RGS11: variants seen among roughly 807,000 people sequenced by gnomAD.
RGS11 encodes the protein regulator of G protein signaling 11.
Under a neutral mutation model 71.1 loss-of-function variants are expected in RGS11, and 86 were observed. The observed-to-expected ratio is 1.21, with a 90% confidence interval of 1.02 to 1.45. RGS11 has a LOEUF of 1.45. Among genes scored for constraint, RGS11 ranks in the 40% most tolerant of loss-of-function variants. RGS11 has a pLI of 0.00. For synonymous variants in RGS11, 298 were observed against 254.2 expected (o/e 1.17, Z -1.64); for missense variants, 734 against 635.1 (o/e 1.16, Z -1.67).
At chr16:269,917 C>G (rs1193334198) in intron 15 of RGS11, 1 of 253,602 alleles carries the variant, frequency 3.9e-6, no homozygotes, top group Non-Finnish European at 7.4e-6. Flanking sequence ...GTTGTGGAGT[C>G]AAATAAAAAA....
intron 4 of RGS11, chr16:274,540 G>C: frequency 1.7e-6 from 1 of 594,918 alleles, no homozygotes; most frequent in Non-Finnish European, 3.0e-6. Flanking sequence ...CTGGGGGCCT[G>C]CACAAGTCTT....
At chr16:272,349 GAACTT>G (rs2051976832) in intron 9 of RGS11, 2 of 1,289,972 alleles carry the variant, frequency 1.6e-6, no homozygotes, top group Non-Finnish European at 2.0e-6. Context: ...TTAGGGTCGT[GAACTT>G]AAGAAGTTTT....
At position 268,740 on chromosome 16, in the gene RGS11, A is replaced by G. The variant is rs1452449327; in HGVS notation, c.*529T>C. On this transcript the variant is annotated 3_prime_UTR_variant, in exon 17 of 17. Transcript: ENST00000397770. ...CTCCGGAAGGCAGTGACCTCGAGGCAGCCTCAGCACGGCACTCTCTTGGGT... is the reference window on the plus strand; with the variant it reads ...CTCCGGAAGGCAGTGACCTCGAGGCGGCCTCAGCACGGCACTCTCTTGGGT... 1 of 1,539,950 alleles carries G rather than the reference A, an allele frequency of 6.5e-7. No homozygotes were observed. The highest frequency in any genetic ancestry group is 1.2e-5 in the South Asian group (1 of 83,962).
At position 271,091 on chromosome 16, in the gene RGS11, G is replaced by A. The variant is rs1231666702; in HGVS notation, c.872C>T (p.Ala291Val). 3.7e-6 allele frequency: 6 copies of A among 1,611,706 alleles called. No individual in the cohort carries two copies. Among genetic ancestry groups the A allele is most frequent in the South Asian group, 1.1e-5 (1 of 90,986 alleles). ...TCTCTCCACACGGAGCTTCGTGGGG[G>A]CAGCCACCCTGGGGAGAGGGCAGGG... ...YWVMNAPTVA[A>V]PTKLRVERWG... Residue 291 changes from alanine (A) to valine (V), a missense_variant, in exon 13 of 17, where the codon GCC (alanine) becomes GTC (valine). Ala to Val is a moderately conservative substitution (Grantham distance 64, BLOSUM62 0). Transcript: ENST00000397770.
chr16:271,818 A>G, intron 9 of RGS11: 1 of 572,730 alleles, frequency 1.7e-6, no homozygotes, highest in Non-Finnish European at 3.1e-6. Context: ...CAAAGTTGCA[A>G]CTGTAATATG....
chr16:271,827 T>G, intron 9 of RGS11: 1 of 557,588 alleles, frequency 1.8e-6, no homozygotes, highest in Non-Finnish European at 3.2e-6. Flanking sequence ...AACTGTAATA[T>G]GTCATTTTTT....
chr16:272,770 A>G lies in RGS11; in HGVS notation c.657+93T>C, dbSNP rs559112994. The G allele has an allele frequency of 2.0e-4, 312 of 1,529,138 alleles. 3 individuals carry two copies. In the African/African-American group the frequency reaches 3.8e-3, roughly 19 times the overall value. 94.7% of individuals were successfully genotyped at this position (1,529,138 alleles called of 1,614,324 possible). ...ACCAAGTGCCCTCTGGGTGGACCAAATGACGGACAGATGGGCAGTCCCATG... is the reference window on the plus strand; with the variant it reads ...ACCAAGTGCCCTCTGGGTGGACCAAGTGACGGACAGATGGGCAGTCCCATG... On this transcript the variant is annotated intron_variant, in intron 9 of 16. Transcript: ENST00000397770.
Position 275,497 on chromosome 16 carries a change from A to G in RGS11, c.65T>C (p.Met22Thr). The G allele has an allele frequency of 6.4e-7, 1 of 1,565,984 alleles. No homozygotes were observed. The highest frequency in any genetic ancestry group is 1.1e-5 in the South Asian group (1 of 87,890). The change falls in exon 2 of 17, where the codon ATG (methionine) becomes ACG (threonine). Residue 22 changes from methionine (M) to threonine (T), a missense_variant and splice_region_variant. Transcript: ENST00000397770. Reference sequence around the variant, plus strand: ...CTGCATGCTCACGACCACCCGCTCCATCTGGGCGGAGGGAGTCGTCAGGGG... The same window carrying G: ...CTGCATGCTCACGACCACCCGCTCCGTCTGGGCGGAGGGAGTCGTCAGGGG... ...PRAQMPHLRK[M>T]ERVVVSMQDP...
At chr16:274,166 G>T in intron 5 of RGS11, 48 bp downstream of exon 5, 1 of 1,590,710 alleles carries the variant, frequency 6.3e-7, no homozygotes, top group East Asian at 2.3e-5. Flanking sequence ...TCACCCTGAG[G>T]CCCCCAGTCC....
Position 268,412 on chromosome 16 carries a change from G to T in RGS11, c.*857C>A, listed in dbSNP as rs1469835724. ...TGGGTGGGGATGGCACCGCCCTACC[G>T]CCGAGAGAGTTGAAGCTGCACCCCC... On this transcript the variant is annotated 3_prime_UTR_variant, in exon 17 of 17. Transcript: ENST00000397770. 8 of 338,484 alleles carry T rather than the reference G, an allele frequency of 2.4e-5. No individual in the cohort carries two copies. The highest frequency in any genetic ancestry group is 1.5e-4 in the African/African-American group (7 of 47,638). The allele number at this position is 338,484 out of a possible 1,614,324, so 21.0% of individuals were successfully genotyped here.
At chr16:274,328 C>T in intron 4 of RGS11, 63 bp from the exon 5 acceptor site, 7 of 1,532,272 alleles carry the variant, frequency 4.6e-6, no homozygotes, top group Non-Finnish European at 6.2e-6. Flanking sequence ...AGTGTCACCC[C>T]ACCCTCAGAC....
chr16:274,263 G>T lies in RGS11; in HGVS notation c.321C>A (p.Thr107=). ...RPDETPYRFQ[T]PYFWTSTLRP... ...TCAGGGTACTTGTCCAGAAGTACGGGGTCTGGCGTGGTGCAGGGAGAAGGT... is the reference window on the plus strand; with the variant it reads ...TCAGGGTACTTGTCCAGAAGTACGGTGTCTGGCGTGGTGCAGGGAGAAGGT... Residue 107 remains threonine (T), a splice_region_variant and synonymous_variant, in exon 5 of 17, where the codon ACC becomes ACA. Transcript: ENST00000397770. The T allele has an allele frequency of 6.2e-7, 1 of 1,609,588 alleles. No individual in the cohort carries two copies. Among genetic ancestry groups the T allele is most frequent in the Non-Finnish European group, 8.5e-7 (1 of 1,178,300 alleles).
intron 4 of RGS11, chr16:274,603 C>T: frequency 3.3e-6 from 2 of 601,610 alleles, no homozygotes; most frequent in South Asian, 3.5e-5. Context: ...GGCAGGTCGG[C>T]CCGGGACCCT....
In RGS11 at chr16:268,469, G is replaced by C. The variant is rs1042674614; in HGVS notation, c.*800C>G. On this transcript the variant is annotated 3_prime_UTR_variant, in exon 17 of 17. Transcript: ENST00000397770. Reference sequence around the variant, plus strand: ...AGCCAGCTGTACCTTCACCCAGTCTGGGGGACTGGTGAGGCACTTGGGGGA... The same window carrying C: ...AGCCAGCTGTACCTTCACCCAGTCTCGGGGACTGGTGAGGCACTTGGGGGA... 4.2e-6 allele frequency: 2 copies of C among 480,672 alleles called. No homozygotes were observed. The highest frequency in any genetic ancestry group is 7.6e-6 in the Non-Finnish European group (2 of 261,648). 29.8% of individuals were successfully genotyped at this position (480,672 alleles called of 1,614,324 possible). A position where few individuals can be genotyped will look rare whatever the true frequency, so the allele number is the denominator to read the frequency against.
In RGS11 at chr16:274,075, G is replaced by T. The variant is rs149201684; in HGVS notation, c.397C>A (p.Arg133=). 4 of 1,551,396 alleles carry T rather than the reference G, an allele frequency of 2.6e-6. No individual in the cohort carries two copies. Among genetic ancestry groups the T allele is most frequent in the Non-Finnish European group, 3.5e-6 (4 of 1,147,282 alleles). Residue 133 remains arginine (R), a synonymous_variant, in exon 6 of 17, where the codon CGA becomes AGA. Transcript: ENST00000397770. The part of the protein sequence containing the change: ...YAIYLAKKNI[R]KRGTLVDYEK... ...TAATCCACCAGGGTCCCCCGTTTTC[G>T]GATGTTCTTCTTGGCCAGGTAGATG...
Position 271,221 on chromosome 16 carries a change from A to G in RGS11, c.844T>C (p.Trp282Arg). ...NPWISDNDAY[W>R]VMNAPTVAAP... ...GCTCACGTGGGGGCATTCATGACCC[A>G]GTAGGCGTCATTGTCTGAGATCCAG... The change falls in exon 12 of 17, where the codon TGG (tryptophan) becomes CGG (arginine). Residue 282 changes from tryptophan to arginine, a missense_variant. Transcript: ENST00000397770. 1.2e-6 allele frequency: 2 copies of G among 1,612,868 alleles called. No individual in the cohort carries two copies. The highest frequency in any genetic ancestry group is 1.7e-6 in the Non-Finnish European group (2 of 1,179,920).
intron 9 of RGS11, 190 bp downstream of exon 9, chr16:272,673 A>G: frequency 6.9e-7 from 1 of 1,457,552 alleles, no homozygotes; most frequent in Non-Finnish European, 9.0e-7. Context: ...GGGAGGGGAG[A>G]GAAAGCGAGA....
rs776533805 is a variant in RGS11 at position 269,565 on chromosome 16, C to G, written c.1227G>C (p.Leu409=). ...GGAGGGCCTTGTACATGTCAGACTT[C>G]AGGAACCTTGGGTAGGAGTCCTACA... ...LMKKDSYPRF[L]KSDMYKALLA... The change falls in exon 16 of 17, where the codon CTG becomes CTC. Residue 409 remains leucine, a synonymous_variant. Transcript: ENST00000397770. 5.0e-6 allele frequency: 8 copies of G among 1,613,394 alleles called. No individual in the cohort carries two copies. The South Asian group carries it at 5.5e-5, about 11-fold the overall frequency.
Position 269,367 on chromosome 16 carries a change from A to G in RGS11, c.1306T>C (p.Trp436Arg). The change falls in exon 17 of 17, where the codon TGG becomes CGG. Residue 436 changes from tryptophan (W) to arginine (R), a missense_variant. By Grantham distance (101) the Trp-to-Arg change is moderately radical. Transcript: ENST00000397770. ...CTGGGGCTCGAGTGCCGTGGCCTCC[A>G]CGTAAACGGGAACACGCTGTGGGCG... ...EMKRRVFPFT[W>R]RPRHSSPSPA... 1 of 1,603,294 alleles carries G rather than the reference A, an allele frequency of 6.2e-7. No homozygotes were observed. The highest frequency in any genetic ancestry group is 8.5e-7 in the Non-Finnish European group (1 of 1,175,464).
Sources: allele counts gnomAD v4.1 joint callset, GRCh38; gene constraint gnomAD v4.1.1; transcripts MANE v1.5; gene names NCBI Gene and HGNC (gene_info 2026-07-23, HGNC 2026-07-21).